Variants in ABCC8 observed in about 807,000 individuals in gnomAD.
ABCC8 encodes the protein ATP binding cassette subfamily C member 8, also known as ATP-binding cassette sub-family C member 8.
Under a neutral mutation model 188.0 loss-of-function variants are expected in ABCC8, and 137 were observed. That is an observed-to-expected ratio of 0.73 (90% CI 0.63 to 0.84). The LOEUF is 0.84. Among genes scored for constraint, ABCC8 ranks in the 40% least tolerant of loss-of-function variants. The pLI, the probability that ABCC8 is intolerant of heterozygous loss-of-function variation, is 0.00. For synonymous variants in ABCC8, 797 were observed against 846.5 expected, an observed-to-expected ratio of 0.94 and a Z score of 1.01; for missense variants, 1,750 against 2,072.7, an observed-to-expected ratio of 0.84 and a Z score of 3.02.
chr11:17,398,333 A>G lies in ABCC8; in HGVS notation c.3753+6T>C. On this transcript the variant is annotated splice_donor_region_variant and intron_variant, in intron 30 of 38. Transcript: ENST00000389817. Reference sequence around the variant, plus strand: ...AGAGGCCAGGGTAGAGGGGAATAGCACTTGCCATTCGGACTTCCAGCCATC... The same window carrying G: ...AGAGGCCAGGGTAGAGGGGAATAGCGCTTGCCATTCGGACTTCCAGCCATC... 6.2e-7 allele frequency: 1 copy of G among 1,614,096 alleles called. No individual in the cohort carries two copies. Among genetic ancestry groups the G allele is most frequent in the Non-Finnish European group, 8.5e-7 (1 of 1,179,968 alleles).
At chr11:17,405,796 G>A (rs902040536) in intron 26 of ABCC8, among the ~76,000 whole-genome samples, 2 of 152,144 alleles carry the variant, frequency 1.3e-5, no homozygotes, top group Admixed American at 6.5e-5. Context: ...GACGACTGCC[G>A]CCTTTCTCAG....
At chr11:17,405,746 G>C in intron 26 of ABCC8, 183 bp from the exon 27 acceptor site, 1 of 767,042 alleles carries the variant, frequency 1.3e-6, no homozygotes, top group Non-Finnish European at 1.6e-6. Context: ...CCAAAGGGGC[G>C]CTGGCCTTTC....
At chr11:17,468,032 C>G (rs576870166) in intron 3 of ABCC8, among the ~76,000 whole-genome samples, 1 of 152,264 alleles carries the variant, frequency 6.6e-6, no homozygotes, top group South Asian at 2.1e-4. Context: ...GAAGGGTTCT[C>G]TACAGACAAG....
At position 17,453,165 on chromosome 11, in the gene ABCC8, TA is replaced by T; in HGVS notation, c.1129del (p.Tyr377ThrfsTer11). The stretch of plus-strand genomic sequence containing the variant: ...AATTCCAGTTTCAATGGCCACATAG[TA>T]GGATGCTTGCAGAAATGTCCTTTGC... ...LLQRTFLQAS[Y>X]YVAIETGINL... On this transcript the variant is annotated frameshift_variant, in exon 7 of 39. Coordinates refer to ENST00000389817, the MANE Select transcript of ABCC8 (RefSeq NM_000352.6). LOFTEE classifies it high-confidence loss of function. The T allele has an allele frequency of 6.2e-7, 1 of 1,614,090 alleles. No individual in the cohort carries two copies. The highest frequency in any genetic ancestry group is 8.5e-7 in the Non-Finnish European group (1 of 1,180,014).
intron 14 of ABCC8, 53 bp downstream of exon 14, chr11:17,428,236 G>C: frequency 1.9e-6 from 3 of 1,611,628 alleles, no homozygotes; most frequent in Non-Finnish European, 2.5e-6. Context: ...CAGGTGCTGA[G>C]CTCCCTCTGG....
rs753385286 is a variant in ABCC8 at position 17,395,838 on chromosome 11, G to C, written c.4198+14C>G. 4 of 1,568,078 alleles carry C rather than the reference G, an allele frequency of 2.6e-6. No individual in the cohort carries two copies. The highest frequency in any genetic ancestry group is 1.9e-5 in the Admixed American group (1 of 53,304). On this transcript the variant is annotated intron_variant, in intron 34 of 38. Coordinates refer to ENST00000389817, the MANE Select transcript of ABCC8 (RefSeq NM_000352.6). The stretch of plus-strand genomic sequence containing the variant: ...GGCTGTGGGTACACGTGGGGTGCCC[G>C]CCTTACAACTCACCTTCGAACGTGT...
chr11:17,442,200 G>A (rs1181584318), intron 10 of ABCC8, among the ~76,000 whole-genome samples: 1 of 152,146 alleles, frequency 6.6e-6, no homozygotes, highest in East Asian at 1.9e-4. Context: ...AAACTACTTG[G>A]TTAATATAAA....
chr11:17,402,702 A>G lies in ABCC8; in HGVS notation c.3609T>C (p.Phe1203=), dbSNP rs1408989154. The stretch of plus-strand genomic sequence containing the variant: ...TGGTGAGTCCTTCTACGGTTTCGGC[A>G]AAGTGTGAGAGAAGTGGAAGCTGGG... The part of the protein sequence containing the change: ...DTTQLPLLSH[F]AETVEGLTTI... The change falls in exon 29 of 39, where the codon TTT becomes TTC. Residue 1203 remains phenylalanine, a synonymous_variant. Coordinates refer to ENST00000389817, the MANE Select transcript of ABCC8 (RefSeq NM_000352.6). 2 of 1,614,206 alleles carry G rather than the reference A, an allele frequency of 1.2e-6. No individual in the cohort carries two copies. Among genetic ancestry groups the G allele is most frequent in the Non-Finnish European group, 1.7e-6 (2 of 1,180,042 alleles).
chr11:17,405,361 G>T, intron 27 of ABCC8, 133 bp downstream of exon 27: 2 of 1,402,328 alleles, frequency 1.4e-6, no homozygotes, highest in East Asian at 2.3e-5. Flanking sequence ...CATTATAATC[G>T]GATCGGGGAC....
chr11:17,393,129 C>T lies in ABCC8; in HGVS notation c.4609-1G>A. The T allele has an allele frequency of 6.3e-7, 1 of 1,587,026 alleles. No individual in the cohort carries two copies. The highest frequency in any genetic ancestry group is 8.6e-7 in the Non-Finnish European group (1 of 1,163,522). ...CACTCAGGATGGTGTGCACTCGATG[C>T]TGGGCAGGGCAGGAGGGGGCGGGTC... On this transcript the variant is annotated splice_acceptor_variant, in intron 38 of 38. Coordinates refer to ENST00000389817, the MANE Select transcript of ABCC8 (RefSeq NM_000352.6). LOFTEE classifies it high-confidence loss of function.
Position 17,461,951 on chromosome 11 carries a change from G to A in ABCC8, c.580-126C>T, listed in dbSNP as rs980171487. On this transcript the variant is annotated intron_variant, in intron 4 of 38. Transcript: ENST00000389817. ...TCTCTAACAGATGGGGCCATCTTTC[G>A]CCTGTAATTATTACCAGGAAAAGGA... 26 of 1,472,112 alleles carry A rather than the reference G, an allele frequency of 1.8e-5. No individual in the cohort carries two copies. The South Asian group carries it at 1.8e-4, about 10-fold the overall frequency. The allele number at this position is 1,472,112 out of a possible 1,614,324, so 91.2% of individuals were successfully genotyped here.
At chr11:17,397,470 G>C (rs547390447) in intron 31 of ABCC8, 157 bp from the exon 32 acceptor site, 1 of 1,481,064 alleles carries the variant, frequency 6.8e-7, no homozygotes, top group African/African-American at 1.4e-5. Flanking sequence ...TGGAGGCACA[G>C]GGAGGGTCAG....
intron 3 of ABCC8, 162 bp from the exon 4 acceptor site, chr11:17,463,766 A>G (rs752857327): frequency 1.4e-4 from 54 of 385,096 alleles, no homozygotes; most frequent in Non-Finnish European, 1.9e-4. Flanking sequence ...ATCAGAGTAC[A>G]TGACTCTAAG....
intron 29 of ABCC8, among the ~76,000 whole-genome samples, chr11:17,400,757 C>T (rs1409985692): frequency 6.6e-6 from 1 of 152,230 alleles, no homozygotes; most frequent in Non-Finnish European, 1.5e-5. Flanking sequence ...TACCCAGCCT[C>T]TCTGGGTCTC....
intron 7 of ABCC8, among the ~76,000 whole-genome samples, chr11:17,449,020 G>A (rs1378420329): frequency 1.3e-5 from 2 of 152,102 alleles, no homozygotes; most frequent in East Asian, 1.9e-4. Context: ...TCCACCTTCC[G>A]GGTTCAAGCA....
At position 17,455,389 on chromosome 11, in the gene ABCC8, C is replaced by T. The variant is rs572973917; in HGVS notation, c.1012-2106G>A. On this transcript the variant is annotated intron_variant, in intron 6 of 38. Transcript: ENST00000389817. The stretch of plus-strand genomic sequence containing the variant: ...ATGGGTGTTACTTAAATATACTCGT[C>T]GGTATTTGTGCATTTTTAACAAAAC... 1.1e-4 allele frequency among the ~76,000 whole-genome samples: 16 copies of T among 152,292 alleles called. No homozygotes were observed. In the South Asian group the frequency reaches 2.1e-3, roughly 20 times the overall value.
At chr11:17,464,534 G>A (rs1848028983) in intron 3 of ABCC8, among the ~76,000 whole-genome samples, 1 of 152,204 alleles carries the variant, frequency 6.6e-6, no homozygotes, top group Non-Finnish European at 1.5e-5. Context: ...CTACCTAGAA[G>A]GTTCTTGTGA....
At chr11:17,398,602 C>G (rs1333367399) in intron 29 of ABCC8, 161 bp from the exon 30 acceptor site, 1 of 1,380,630 alleles carries the variant, frequency 7.2e-7, no homozygotes, top group Non-Finnish European at 9.9e-7. Context: ...GTCCACCCCA[C>G]TCCTTTCTGC....
chr11:17,439,290 T>C (rs1956221169), intron 10 of ABCC8, among the ~76,000 whole-genome samples: 1 of 152,030 alleles, frequency 6.6e-6, no homozygotes, highest in Non-Finnish European at 1.5e-5. Flanking sequence ...CTACTCTCAG[T>C]GATATTGATG....
Sources: gnomAD v4.1 joint callset for allele counts (sites outside exome capture counted in the v4.1 genomes callset) on GRCh38, gnomAD v4.1.1 for gene constraint, MANE v1.5 for transcripts, NCBI Gene and HGNC (gene_info 2026-07-23, HGNC 2026-07-21) for gene names.